TTC19: variants seen among roughly 807,000 people sequenced by gnomAD.
TTC19 encodes the protein tetratricopeptide repeat protein 19, mitochondrial.
A neutral mutation model predicts 49.5 loss-of-function variants in TTC19; 38 were observed. That is an observed-to-expected ratio of 0.77 (90% confidence interval 0.59 to 1.01). TTC19 has a LOEUF of 1.01. TTC19 is among the 50% of genes least tolerant of loss of function. The pLI, the probability that TTC19 is intolerant of heterozygous loss-of-function variation, is 0.00. For synonymous variants in TTC19, 204 were observed against 185.2 expected (o/e 1.10, Z -0.83); for missense variants, 475 against 477.7 (o/e 0.99, Z 0.05).
intron 2 of TTC19, 36 bp from the exon 3 acceptor site, chr17:16,001,879 T>G: frequency 2.1e-6 from 3 of 1,432,694 alleles, no homozygotes; most frequent in Non-Finnish European, 2.9e-6. Flanking sequence ...ATCTACTATA[T>G]GTTTCATTTT....
chr17:16,015,234 C>T (rs1971180629), intron 7 of TTC19, among the ~76,000 whole-genome samples: 2 of 152,112 alleles, frequency 1.3e-5, no homozygotes, highest in South Asian at 4.1e-4. Flanking sequence ...GACCAGAACT[C>T]CTGAGTTAAT....
chr17:16,012,515 A>G (rs1380811254), intron 7 of TTC19, among the ~76,000 whole-genome samples: 2 of 152,014 alleles, frequency 1.3e-5, no homozygotes, highest in African/African-American at 2.4e-5. Flanking sequence ...GAGAATAGAC[A>G]AGTGATCCAG....
At chr17:16,003,682 G>GTAC (rs1424809765) in intron 4 of TTC19, 149 bp from the exon 5 acceptor site, 5 of 722,610 alleles carry the variant, frequency 6.9e-6, no homozygotes, top group African/African-American at 1.8e-5. Context: ...CTTCAAAAGG[G>GTAC]TACTTTTCTG....
At chr17:16,009,957 G>A (rs1250090743) in intron 7 of TTC19, among the ~76,000 whole-genome samples, 1 of 151,974 alleles carries the variant, frequency 6.6e-6, no homozygotes, top group Admixed American at 6.6e-5. Context: ...ATTCTCTTTG[G>A]TTGGTAGGTT....
chr17:16,007,952 C>A (rs1970960821), intron 7 of TTC19, among the ~76,000 whole-genome samples: 1 of 152,212 alleles, frequency 6.6e-6, no homozygotes, highest in Admixed American at 6.5e-5. Context: ...CCAATGGTTA[C>A]TTCTCAATCC....
intron 7 of TTC19, among the ~76,000 whole-genome samples, chr17:16,018,967 C>T (rs1040474372): frequency 2.0e-5 from 3 of 152,150 alleles, no homozygotes; most frequent in African/African-American, 7.2e-5. Flanking sequence ...ATACCCTTCC[C>T]TCCCTGCCTA....
At chr17:16,016,503 G>A (rs1031531921) in intron 7 of TTC19, among the ~76,000 whole-genome samples, 1 of 150,254 alleles carries the variant, frequency 6.7e-6, no homozygotes, top group African/African-American at 2.4e-5. Context: ...TTGGTTTATA[G>A]TGTTATTCAA....
At chr17:16,039,070 G>T in intron 2 of TTC19, 1 of 199,416 alleles carries the variant, frequency 5.0e-6, no homozygotes, top group Non-Finnish European at 1.0e-5. Context: ...CACCCGGCTG[G>T]CTTATGTTTC....
At chr17:16,043,846 C>T (rs1471473470) in intron 2 of TTC19, among the ~76,000 whole-genome samples, 1 of 152,160 alleles carries the variant, frequency 6.6e-6, no homozygotes, top group Non-Finnish European at 1.5e-5. Flanking sequence ...CTGTTGAAGA[C>T]TGGAGACAGA....
intron 7 of TTC19, among the ~76,000 whole-genome samples, chr17:16,011,423 C>G (rs550193017): frequency 6.6e-6 from 1 of 152,224 alleles, no homozygotes; most frequent in Admixed American, 6.5e-5. Context: ...TCCACCCGCC[C>G]CAGCCTCCCC....
Position 16,028,513 on chromosome 17 carries a change from T to C in TTC19, c.*991T>C, listed in dbSNP as rs746163808. 17 of 454,070 alleles carry C rather than the reference T, an allele frequency of 3.7e-5. 1 individual carries two copies. Among genetic ancestry groups the C allele is most frequent in the South Asian group, 2.6e-4 (17 of 64,478 alleles). 28.1% of individuals were successfully genotyped at this position (454,070 alleles called of 1,614,324 possible). On this transcript the variant is annotated 3_prime_UTR_variant, in exon 10 of 10. Transcript: ENST00000261647. ...GGGAAGGTATTTGGTTAGATGACTT[T>C]GAATGAATAGACTGCTGTGCTGAAA...
Position 16,004,254 on chromosome 17 carries a change from G to T in TTC19, c.573G>T (p.Ala191=). Reference sequence around the variant, plus strand: ...TAAAGCTGGCCAGTATCTATGCTGCGCAGAACAGGTAAGTACAGCAGCCAG... The same window carrying T: ...TAAAGCTGGCCAGTATCTATGCTGCTCAGAACAGGTAAGTACAGCAGCCAG... The part of the protein sequence containing the change: ...ISLKLASIYA[A]QNRQEFAVAG... Residue 191 remains alanine, a synonymous_variant, in exon 6 of 10, where the codon GCG becomes GCT. Coordinates refer to ENST00000261647, the MANE Select transcript of TTC19 (RefSeq NM_017775.4). 3 of 1,614,070 alleles carry T rather than the reference G, an allele frequency of 1.9e-6. No individual in the cohort carries two copies. The highest frequency in any genetic ancestry group is 2.5e-6 in the Non-Finnish European group (3 of 1,179,934).
downstream of TTC19, among the ~76,000 whole-genome samples, chr17:16,034,218 G>C (rs1236080557): frequency 2.0e-5 from 3 of 152,166 alleles, no homozygotes; most frequent in Non-Finnish European, 4.4e-5. Context: ...GAATGGTTGA[G>C]ATTATTTTTT....
At chr17:16,040,817 C>T (rs997043716) in intron 2 of TTC19, 11 of 308,196 alleles carry the variant, frequency 3.6e-5, no homozygotes, top group Non-Finnish European at 6.2e-5. Context: ...ACTGCTTGAG[C>T]ATAGGAATTT....
chr17:16,031,289 A>T (rs2151731885), downstream of TTC19: 1 of 194,062 alleles, frequency 5.2e-6, no homozygotes, highest in South Asian at 1.9e-4. Context: ...TACTACACAG[A>T]TCATTATCTT....
chr17:16,013,446 T>G (rs1971133732), intron 7 of TTC19, among the ~76,000 whole-genome samples: 1 of 152,234 alleles, frequency 6.6e-6, no homozygotes, highest in Non-Finnish European at 1.5e-5. Context: ...TTTTTCAAGC[T>G]TTGAAATTGT....
At chr17:16,043,892 G>A (rs573095380) in intron 2 of TTC19, among the ~76,000 whole-genome samples, 5 of 152,258 alleles carry the variant, frequency 3.3e-5, no homozygotes, top group African/African-American at 4.8e-5. Context: ...AAAGGTGGCC[G>A]GATACAGTGG....
Position 15,999,867 on chromosome 17 carries a change from T to C in TTC19, c.19T>C (p.Trp7Arg), listed in dbSNP as rs1479684287. ...CGGGAGCATGTTCCGGCTCCTGAGC[T>C]GGAGCCTGGGCCGAGGCTTCCTGCG... MFRLLS[W>R]SLGRGFLRAA... is the part of the protein sequence containing the mutation. Residue 7 changes from tryptophan to arginine, a missense_variant, in exon 1 of 10, where the codon TGG becomes CGG. Coordinates refer to ENST00000261647, the MANE Select transcript of TTC19 (RefSeq NM_017775.4). 1.0e-5 allele frequency: 15 copies of C among 1,493,638 alleles called. No homozygotes were observed. Among genetic ancestry groups the C allele is most frequent in the Non-Finnish European group, 1.3e-5 (15 of 1,128,758 alleles). 92.5% of individuals were successfully genotyped at this position (1,493,638 alleles called of 1,614,324 possible).
At position 16,024,957 on chromosome 17, in the gene TTC19, A is replaced by G; in HGVS notation, c.677-60A>G. ...CATGTGGGTCCCATTCTGCTGACATATTTGTGGGTCCTGGTAACAACCATT... is the reference window on the plus strand; with the variant it reads ...CATGTGGGTCCCATTCTGCTGACATGTTTGTGGGTCCTGGTAACAACCATT... On this transcript the variant is annotated intron_variant, in intron 7 of 9. Transcript: ENST00000261647. The G allele has an allele frequency of 2.6e-6, 4 of 1,528,062 alleles. No homozygotes were observed. The South Asian group carries it at 4.5e-5, about 17-fold the overall frequency. 94.7% of individuals were successfully genotyped at this position (1,528,062 alleles called of 1,614,324 possible). A position where few individuals can be genotyped will look rare whatever the true frequency, so the allele number is the denominator to read the frequency against.
Sources: allele counts gnomAD v4.1 joint callset (sites outside exome capture counted in the v4.1 genomes callset), GRCh38; gene constraint gnomAD v4.1.1; transcripts MANE v1.5; gene names NCBI Gene and HGNC (gene_info 2026-07-23, HGNC 2026-07-21).